HAGH: variants seen among roughly 807,000 people sequenced by gnomAD.
HAGH encodes hydroxyacylglutathione hydrolase, mitochondrial.
HAGH carries 29 observed loss-of-function variants against 35.1 expected under a neutral mutation model. That is an observed-to-expected ratio of 0.83 (90% CI 0.62 to 1.13). The LOEUF is 1.13. Ranked by LOEUF, HAGH falls within the 50% of genes most tolerant of loss-of-function variation. The probability of loss-of-function intolerance (pLI) is 0.00; values close to 1 mark genes in which losing one functional copy is unlikely to be tolerated. For synonymous variants in HAGH, 225 were observed against 176.1 expected (o/e 1.28, Z -2.20); for missense variants, 478 against 419.6 (o/e 1.14, Z -1.22).
rs12103291 is a variant in HAGH at position 1,809,601 on chromosome 16, C to G, written c.827+153G>C. ...AGGTGCCAGGAAAGGCCGGACCCCC[C>G]TCAAGAAGAGTGCTCGGGCTCTGCG... is the stretch of plus-strand genomic sequence containing the variant. On this transcript the variant is annotated intron_variant, in intron 8 of 8. Coordinates refer to ENST00000397356, the MANE Select transcript of HAGH (RefSeq NM_005326.6). Among the ~76,000 whole-genome samples the G allele has an allele frequency of 8.2e-3, 1,243 of 152,338 alleles. 15 individuals are homozygous for G. The highest frequency in any genetic ancestry group is 0.028 in the African/African-American group (1,153 of 41,578).
chr16:1,822,835 G>C (rs1480686208), intron 2 of HAGH, 30 bp downstream of exon 2: 1 of 1,598,844 alleles, frequency 6.3e-7, no homozygotes, highest in Admixed American at 1.7e-5. Context: ...GGTGACCAGG[G>C]CAGGGAGAGC....
chr16:1,826,516 TCCGCACCCGCGGCC>T lies in HAGH; in HGVS notation c.76+182_76+195del, dbSNP rs971357028. 6.3e-5 allele frequency: 61 copies of T among 966,978 alleles called. No individual in the cohort carries two copies. The South Asian group carries it at 1.1e-3, about 18-fold the overall frequency. The allele number at this position is 966,978 out of a possible 1,614,324, so 59.9% of individuals were successfully genotyped here. ...GCCTGGCCCTGCTTACCTAGCGCTT[TCCGCACCCGCGGCC>T]CCGCGCCCGCTCCGCGCCAGCCTCA... On this transcript the variant is annotated intron_variant, in intron 1 of 8. Transcript: ENST00000397356.
intron 1 of HAGH, among the ~76,000 whole-genome samples, chr16:1,823,648 C>G (rs1290670163): frequency 7.0e-6 from 1 of 143,762 alleles, no homozygotes; most frequent in African/African-American, 2.6e-5. Flanking sequence ...GAGGCTGAGG[C>G]AGGAGGATCA....
chr16:1,826,981 C>A (rs1898470292), upstream of HAGH: 2 of 614,094 alleles, frequency 3.3e-6, no homozygotes, highest in South Asian at 3.2e-5. Context: ...GGCCGGGAGA[C>A]GGGCCTGGGA....
chr16:1,809,643 C>T, intron 8 of HAGH, 111 bp downstream of exon 8: 1 of 829,628 alleles, frequency 1.2e-6, no homozygotes, highest in Non-Finnish European at 2.0e-6. Context: ...CCTGTGACAG[C>T]TCCCCAAGGC....
chr16:1,818,894 C>T (rs970772269), intron 5 of HAGH: 1 of 567,314 alleles, frequency 1.8e-6, no homozygotes, highest in African/African-American at 1.9e-5. Flanking sequence ...TCTCCGCCAG[C>T]ACAGCCCTTG....
intron 2 of HAGH, 145 bp from the exon 3 acceptor site, chr16:1,822,509 G>T: frequency 2.8e-6 from 2 of 714,206 alleles, no homozygotes; most frequent in Non-Finnish European, 2.5e-6. Flanking sequence ...AGCTTGCCCT[G>T]CTCCAGGAGA....
intron 5 of HAGH, 23 bp from the exon 6 acceptor site, chr16:1,817,294 G>A: frequency 6.8e-7 from 1 of 1,470,114 alleles, no homozygotes; most frequent in South Asian, 1.1e-5. Flanking sequence ...ACAGCCACGA[G>A]GTGGGGGCCA....
intron 7 of HAGH, among the ~76,000 whole-genome samples, chr16:1,811,729 TA>T (rs968398928): frequency 2.0e-5 from 3 of 151,010 alleles, no homozygotes; most frequent in Admixed American, 1.3e-4. Flanking sequence ...AAAATAAAAA[TA>T]AAAAAATAAG....
chr16:1,810,649 G>A (rs1048843057), intron 7 of HAGH: 9 of 152,974 alleles, frequency 5.9e-5, no homozygotes, highest in Non-Finnish European at 1.3e-4. Flanking sequence ...CGGCAACAGC[G>A]GGGTCTCCAC....
At chr16:1,819,011 C>T (rs1898027347) in intron 5 of HAGH, 104 bp downstream of exon 5, 8 of 716,784 alleles carry the variant, frequency 1.1e-5, no homozygotes, top group Non-Finnish European at 1.7e-5. Flanking sequence ...CCCCTCACAC[C>T]GGTGCAACAG....
At chr16:1,820,906 C>T (rs545395662) in intron 3 of HAGH, among the ~76,000 whole-genome samples, 1 of 152,316 alleles carries the variant, frequency 6.6e-6, no homozygotes, top group African/African-American at 2.4e-5. Flanking sequence ...TATGGCCTGG[C>T]TTAGGACTTC....
chr16:1,819,799 C>T (rs549676317), intron 4 of HAGH, 98 bp downstream of exon 4: 6 of 787,756 alleles, frequency 7.6e-6, no homozygotes, highest in African/African-American at 5.1e-5. Context: ...ACTCCCGGGT[C>T]ACTGGGGTAA....
At chr16:1,822,184 G>C (rs1898181571) in intron 3 of HAGH, 116 bp downstream of exon 3, 1 of 705,658 alleles carries the variant, frequency 1.4e-6, no homozygotes, top group Non-Finnish European at 2.5e-6. Context: ...TCTGCTGGGG[G>C]CTTGTCCTCA....
intron 7 of HAGH, among the ~76,000 whole-genome samples, chr16:1,811,374 A>T (rs913710288): frequency 6.6e-6 from 1 of 152,082 alleles, no homozygotes; most frequent in Non-Finnish European, 1.5e-5. Context: ...AGACCATGCC[A>T]CTGCACTCCA....
intron 7 of HAGH, among the ~76,000 whole-genome samples, chr16:1,815,206 G>T (rs1897838953): frequency 6.6e-6 from 1 of 152,184 alleles, no homozygotes; most frequent in African/African-American, 2.4e-5. Flanking sequence ...ACACCAAGCA[G>T]TGCTGGCACA....
chr16:1,818,695 CCTCCACAGGTGG>C (rs1898015319), intron 5 of HAGH: 1 of 166,214 alleles, frequency 6.0e-6, no homozygotes, highest in African/African-American at 2.4e-5. Context: ...GGCCATATGA[CCTCCACAGGTGG>C]CTCCACAGGT....
In HAGH at chr16:1,822,933, A is replaced by G. The variant is rs1319695441; in HGVS notation, c.181T>C (p.Tyr61His). 6.2e-7 allele frequency: 1 copy of G among 1,613,656 alleles called. No individual in the cohort carries two copies. Among genetic ancestry groups the G allele is most frequent in the Non-Finnish European group, 8.5e-7 (1 of 1,179,802 alleles). ...VEVLPALTDNYMYLVIDDETK... is the reference protein window; with the variant it reads ...VEVLPALTDNHMYLVIDDETK... ...TCATCATCAATGACCAGGTACATGT[A>G]GTTGTCGGTCAGGGCAGGCAGCACC... Residue 61 changes from tyrosine to histidine, a missense_variant, in exon 2 of 9, where the codon TAC becomes CAC. Tyr to His is a moderately conservative substitution (Grantham distance 83). Transcript: ENST00000397356.
At chr16:1,821,257 C>T (rs947555999) in intron 3 of HAGH, among the ~76,000 whole-genome samples, 4 of 152,204 alleles carry the variant, frequency 2.6e-5, no homozygotes, top group Non-Finnish European at 4.4e-5. Flanking sequence ...GCCTGAGACT[C>T]TCCAGGCCTA....
Sources: gnomAD v4.1 joint callset for allele counts (sites outside exome capture counted in the v4.1 genomes callset) on GRCh38, gnomAD v4.1.1 for gene constraint, MANE v1.5 for transcripts, NCBI Gene and HGNC (gene_info 2026-07-23, HGNC 2026-07-21) for gene names.